Variants in VTI1A observed in about 807,000 individuals in gnomAD.
VTI1A encodes the protein vesicle transport through interaction with t-SNAREs 1A.
Under a neutral mutation model 34.9 loss-of-function variants are expected in VTI1A, and 22 were observed. The observed-to-expected ratio is 0.63, with a 90% CI of 0.45 to 0.90. The LOEUF (loss-of-function observed/expected upper bound fraction) is 0.90. VTI1A is among the 40% of genes least tolerant of loss of function. The probability of loss-of-function intolerance (pLI) is 0.00; values close to 1 mark genes in which losing one functional copy is unlikely to be tolerated. For missense variants in VTI1A, 268 were observed against 275.6 expected, an observed-to-expected ratio of 0.97 and a Z score of 0.20; for synonymous variants, 87 against 97.3, an observed-to-expected ratio of 0.89 and a Z score of 0.62.
At chr10:112,738,261 A>G (rs2133971798) in intron 7 of VTI1A, among the ~76,000 whole-genome samples, 1 of 152,134 alleles carries the variant, frequency 6.6e-6, no homozygotes, top group African/African-American at 2.4e-5. Context: ...GGTAGATCCC[A>G]CTCATCTCAC....
chr10:112,612,830 C>G (rs539267052), intron 5 of VTI1A, among the ~76,000 whole-genome samples: 1 of 152,276 alleles, frequency 6.6e-6, no homozygotes, highest in South Asian at 2.1e-4. Context: ...TATAATGAAG[C>G]ATTTTCCTAT....
chr10:112,782,352 A>T (rs1045151572), intron 7 of VTI1A, among the ~76,000 whole-genome samples: 2 of 152,272 alleles, frequency 1.3e-5, no homozygotes, highest in South Asian at 2.1e-4. Flanking sequence ...AGGATGTTGC[A>T]ATGACGCTTG....
chr10:112,638,013 T>A (rs1006970501), intron 5 of VTI1A, among the ~76,000 whole-genome samples: 3 of 152,264 alleles, frequency 2.0e-5, no homozygotes, highest in African/African-American at 4.8e-5. Flanking sequence ...CATATGTGAA[T>A]GAAAGATGGG....
At chr10:112,472,555 G>A (rs1439636206) in intron 3 of VTI1A, among the ~76,000 whole-genome samples, 2 of 148,068 alleles carry the variant, frequency 1.4e-5, no homozygotes, top group Non-Finnish European at 3.0e-5. Context: ...TTTTTAACTC[G>A]AGATAGACTA....
chr10:112,758,940 C>T (rs528467324), intron 7 of VTI1A, among the ~76,000 whole-genome samples: 27 of 152,316 alleles, frequency 1.8e-4, no homozygotes, highest in African/African-American at 5.3e-4. Flanking sequence ...ACCTGCTGCT[C>T]ATGCTTTAAA....
At chr10:112,698,437 T>C (rs1848872200) in intron 7 of VTI1A, among the ~76,000 whole-genome samples, 2 of 152,216 alleles carry the variant, frequency 1.3e-5, no homozygotes, top group African/African-American at 4.8e-5. Flanking sequence ...TTGGAAACTA[T>C]AGACGTAAAT....
At chr10:112,828,498 T>C in the VTI1A span, among the ~76,000 whole-genome samples, 7 of 152,044 alleles carry the variant, frequency 4.6e-5, no homozygotes, top group Non-Finnish European at 8.8e-5. Context: ...CTCCACCTCC[T>C]GGGTTCACGC....
chr10:112,635,064 G>C (rs1209117222), intron 5 of VTI1A, among the ~76,000 whole-genome samples: 2 of 152,154 alleles, frequency 1.3e-5, no homozygotes, highest in Non-Finnish European at 2.9e-5. Flanking sequence ...TCACTGCCTT[G>C]TTGTTGCCTG....
rs115605100 is a variant in VTI1A, at chr10:112,585,156, A to G, written c.427+46826A>G. On this transcript the variant is annotated intron_variant, in intron 5 of 7. Transcript: ENST00000393077. ...TAAAGGGCCACACAGAAGAAAATGT[A>G]TGCTACAAAATGTCGATTCACATCT... is the stretch of plus-strand genomic sequence containing the variant. 1.7e-3 allele frequency among the ~76,000 whole-genome samples: 259 copies of G among 152,332 alleles called. 2 individuals are homozygous for G. Among genetic ancestry groups the G allele is most frequent in the African/African-American group, 5.8e-3 (240 of 41,578 alleles).
At chr10:112,531,856 T>G (rs1219335756) in intron 4 of VTI1A, among the ~76,000 whole-genome samples, 1 of 152,206 alleles carries the variant, frequency 6.6e-6, no homozygotes, top group East Asian at 1.9e-4. Context: ...AGAGAAAGAT[T>G]CCGATATATG....
chr10:112,819,639 C>T (rs866142631), downstream of VTI1A, among the ~76,000 whole-genome samples: 1 of 152,142 alleles, frequency 6.6e-6, no homozygotes, highest in African/African-American at 2.4e-5. Context: ...TGAGATGGGC[C>T]TTCTGTCCTT....
At chr10:112,831,461 T>A in the VTI1A span, 1 of 152,212 alleles carries the variant, frequency 6.6e-6, no homozygotes, top group Non-Finnish European at 1.5e-5. Context: ...GATGAAATGG[T>A]ATTCACCAGG....
At chr10:112,850,694 T>G in the VTI1A span, among the ~76,000 whole-genome samples, 4 of 152,282 alleles carry the variant, frequency 2.6e-5, no homozygotes, top group East Asian at 5.8e-4. Context: ...CCAAATCATA[T>G]AAGTGTCACA....
chr10:112,766,216 C>T lies in VTI1A; in HGVS notation c.561-49074C>T, dbSNP rs118150409. Reference sequence around the variant, plus strand: ...ACATTAGGCAATAAAGAAGGCGTTCCGTGGAAAGAAACACAAGTCAAAGTT... The same window carrying T: ...ACATTAGGCAATAAAGAAGGCGTTCTGTGGAAAGAAACACAAGTCAAAGTT... On this transcript the variant is annotated intron_variant, in intron 7 of 7. Coordinates refer to ENST00000393077, the MANE Select transcript of VTI1A (RefSeq NM_145206.4). Among the ~76,000 whole-genome samples the T allele has an allele frequency of 5.3e-5, 8 of 152,194 alleles. No homozygotes were observed. The East Asian group carries it at 7.7e-4, about 15-fold the overall frequency.
At chr10:112,486,123 A>G (rs893130052) in intron 3 of VTI1A, among the ~76,000 whole-genome samples, 2 of 152,138 alleles carry the variant, frequency 1.3e-5, no homozygotes, top group Non-Finnish European at 2.9e-5. Flanking sequence ...TACCACGCGT[A>G]TGTCTGTGCT....
intron 7 of VTI1A, among the ~76,000 whole-genome samples, chr10:112,735,015 A>G (rs1212961558): frequency 1.3e-5 from 2 of 152,202 alleles, no homozygotes; most frequent in Non-Finnish European, 2.9e-5. Flanking sequence ...AGTCAAGGAG[A>G]GAACCAGTCT....
chr10:112,533,558 C>A, intron 4 of VTI1A: 4 of 1,010,500 alleles, frequency 4.0e-6, no homozygotes, highest in Non-Finnish European at 4.7e-6. Flanking sequence ...GAGGTGAGTA[C>A]TTCCTAGCTT....
chr10:112,494,793 C>A (rs576499121), intron 3 of VTI1A, among the ~76,000 whole-genome samples: 1 of 152,332 alleles, frequency 6.6e-6, no homozygotes, highest in East Asian at 1.9e-4. Context: ...GGATTACAGG[C>A]ATGAGCCACC....
intron 7 of VTI1A, among the ~76,000 whole-genome samples, chr10:112,673,246 C>G (rs953872692): frequency 6.8e-6 from 1 of 148,040 alleles, no homozygotes; most frequent in African/African-American, 2.5e-5. Context: ...GCCTGGGAGG[C>G]GAAAGGTTGC....
Sources: gnomAD v4.1 joint callset for allele counts (sites outside exome capture counted in the v4.1 genomes callset) on GRCh38, gnomAD v4.1.1 for gene constraint, MANE v1.5 for transcripts, NCBI Gene and HGNC (gene_info 2026-07-23, HGNC 2026-07-21) for gene names.